Variants in GLRA3 observed in about 807,000 individuals in gnomAD.
GLRA3 encodes the protein glycine receptor subunit alpha-3.
GLRA3 carries 44 observed loss-of-function variants against 60.4 expected under a neutral mutation model. The ratio of observed to expected loss-of-function variants is 0.73; its 90% CI spans 0.57 to 0.94. The LOEUF is 0.94. Among genes scored for constraint, GLRA3 ranks in the 40% least tolerant of loss-of-function variants. GLRA3 has a pLI of 0.00. For synonymous variants in GLRA3, 223 were observed against 192.9 expected, an observed-to-expected ratio of 1.16 and a Z score of -1.29; for missense variants, 508 against 564.6, an observed-to-expected ratio of 0.90 and a Z score of 1.02.
chr4:174,657,451 T>C (rs1733254660), intron 8 of GLRA3, among the ~76,000 whole-genome samples: 1 of 152,078 alleles, frequency 6.6e-6, no homozygotes, highest in South Asian at 2.1e-4. Flanking sequence ...AAAACCAAAA[T>C]GACAAAAAGC....
chr4:174,820,394 C>G (rs1483325711), intron 1 of GLRA3, among the ~76,000 whole-genome samples: 1 of 152,088 alleles, frequency 6.6e-6, no homozygotes, highest in Non-Finnish European at 1.5e-5. Context: ...TGCTTCATGA[C>G]AGAAATTAGT....
chr4:174,677,108 C>T lies in GLRA3; in HGVS notation c.897G>A (p.Gln299=), dbSNP rs1217984158. 1 of 1,612,890 alleles carries T rather than the reference C, an allele frequency of 6.2e-7. No individual in the cohort carries two copies. The highest frequency in any genetic ancestry group is 8.5e-7 in the Non-Finnish European group (1 of 1,178,940). The change falls in exon 7 of 10, where the codon CAG becomes CAA. Residue 299 remains glutamine (Q), a synonymous_variant. Coordinates refer to ENST00000274093, the MANE Select transcript of GLRA3 (RefSeq NM_006529.4). ...GCAAGGAAGCTCGTGATCCTGAACT[C>T]TGTGTAGTCATCGTTAGCACAGTGG... is the stretch of plus-strand genomic sequence containing the variant. The part of the protein sequence containing the change: ...GITTVLTMTT[Q]SSGSRASLPK...
At chr4:174,770,728 C>T (rs1025678580) in intron 2 of GLRA3, among the ~76,000 whole-genome samples, 5 of 152,006 alleles carry the variant, frequency 3.3e-5, no homozygotes, top group African/African-American at 1.2e-4. Context: ...TATTTAGTTA[C>T]TAATGAACAT....
At chr4:174,701,224 G>A (rs756520464) in intron 5 of GLRA3, among the ~76,000 whole-genome samples, 3 of 152,086 alleles carry the variant, frequency 2.0e-5, no homozygotes, top group East Asian at 3.9e-4. Flanking sequence ...CTCATTCACC[G>A]CTCAAAGATC....
chr4:174,720,155 G>C (rs750662258), intron 4 of GLRA3, among the ~76,000 whole-genome samples: 6 of 152,074 alleles, frequency 3.9e-5, no homozygotes, highest in Admixed American at 6.6e-5. Flanking sequence ...GGGTTTCTTA[G>C]TAATATTAGT....
chr4:174,644,010 A>G lies in GLRA3; in HGVS notation c.1171T>C (p.Cys391Arg). 1 of 1,613,842 alleles carries G rather than the reference A, an allele frequency of 6.2e-7. No homozygotes were observed. Among genetic ancestry groups the G allele is most frequent in the Middle Eastern group, 1.7e-4 (1 of 6,060 alleles). The change falls in exon 10 of 10, where the codon TGT becomes CGT. Residue 391 changes from cysteine (C) to arginine (R), a missense_variant. By Grantham distance (180) the Cys-to-Arg change is radical (BLOSUM62 -3). This residue lies in a region of GLRA3 where 176 missense variants were observed against 197.9 expected (regional missense o/e 0.89). Transcript: ENST00000274093. ...GTCATGCCATCCTTTGCTTGTAGACATGGTCCCATTCCATAGGCTGTGAAG... is the reference window on the plus strand; with the variant it reads ...GTCATGCCATCCTTTGCTTGTAGACGTGGTCCCATTCCATAGGCTGTGAAG... ...FSFTAYGMGP[C>R]LQAKDGMTPK...
intron 1 of GLRA3, among the ~76,000 whole-genome samples, chr4:174,813,521 C>G (rs1323693045): frequency 1.3e-5 from 2 of 152,140 alleles, no homozygotes; most frequent in Non-Finnish European, 2.9e-5. Flanking sequence ...TCTGTGTTGC[C>G]TCGTAACCAG....
intron 1 of GLRA3, among the ~76,000 whole-genome samples, chr4:174,794,046 T>C (rs894648320): frequency 1.3e-5 from 2 of 152,192 alleles, no homozygotes; most frequent in African/African-American, 4.8e-5. Context: ...ATGCAAATCA[T>C]ATCTTGCAAA....
intron 7 of GLRA3, among the ~76,000 whole-genome samples, chr4:174,668,737 C>T (rs1002950111): frequency 2.6e-5 from 4 of 152,244 alleles, no homozygotes; most frequent in Middle Eastern, 3.4e-3. Flanking sequence ...TCTACACCTA[C>T]GTGTAGGAAC....
chr4:174,670,918 T>C (rs1733879529), intron 7 of GLRA3, among the ~76,000 whole-genome samples: 1 of 152,114 alleles, frequency 6.6e-6, no homozygotes, highest in Admixed American at 6.6e-5. Flanking sequence ...TTTTTATCAG[T>C]AATAAAATTG....
At chr4:174,821,497 G>A (rs958125965) in intron 1 of GLRA3, among the ~76,000 whole-genome samples, 8 of 152,054 alleles carry the variant, frequency 5.3e-5, no homozygotes, top group Admixed American at 3.9e-4. Flanking sequence ...CAAGGTGGGT[G>A]GGCAGAAGTT....
At chr4:174,645,711 C>A (rs1360066593) in intron 9 of GLRA3, among the ~76,000 whole-genome samples, 1 of 152,082 alleles carries the variant, frequency 6.6e-6, no homozygotes, top group Non-Finnish European at 1.5e-5. Context: ...AACTGACAGT[C>A]CAAACTACCT....
chr4:174,643,866 C>T lies in GLRA3; in HGVS notation c.1315G>A (p.Ala439Thr), dbSNP rs749515822. 2.5e-6 allele frequency: 4 copies of T among 1,614,020 alleles called. No individual in the cohort carries two copies. Among genetic ancestry groups the T allele is most frequent in the Non-Finnish European group, 3.4e-6 (4 of 1,179,958 alleles). The stretch of plus-strand genomic sequence containing the variant: ...TAGAAAATATTAAAAATCAAAAAAG[C>T]TAATGGGAAGCAGGCTCGGGAGATG... ...DTISRACFPL[A>T]FLIFNIFYWV... is the part of the protein sequence containing the mutation. The change falls in exon 10 of 10, where the codon GCT (alanine) becomes ACT (threonine). Residue 439 changes from alanine (A) to threonine (T), a missense_variant. Ala to Thr is a moderately conservative substitution (Grantham distance 58). Coordinates refer to ENST00000274093, the MANE Select transcript of GLRA3 (RefSeq NM_006529.4).
intron 1 of GLRA3, among the ~76,000 whole-genome samples, chr4:174,823,582 A>G (rs1740836304): frequency 6.6e-6 from 1 of 152,216 alleles, no homozygotes; most frequent in Non-Finnish European, 1.5e-5. Flanking sequence ...AAGTATATAA[A>G]TAATCCTGTG....
At chr4:174,718,040 T>TA (rs934477570) in intron 4 of GLRA3, among the ~76,000 whole-genome samples, 1 of 152,102 alleles carries the variant, frequency 6.6e-6, no homozygotes, top group Non-Finnish European at 1.5e-5. Context: ...TACATAATTC[T>TA]AAAAAAATAG....
chr4:174,746,821 A>G (rs1737270263), intron 3 of GLRA3, among the ~76,000 whole-genome samples: 1 of 152,198 alleles, frequency 6.6e-6, no homozygotes. Flanking sequence ...AAATACTCAC[A>G]TGTACCCAAT....
At chr4:174,692,356 G>C (rs1323290629) in intron 5 of GLRA3, among the ~76,000 whole-genome samples, 1 of 149,708 alleles carries the variant, frequency 6.7e-6, no homozygotes, top group African/African-American at 2.5e-5. Context: ...CCACGTCCGG[G>C]AGATGAGGGG....
Position 174,656,804 on chromosome 4 carries a change from TG to T in GLRA3, c.1072-18del. On this transcript the variant is annotated intron_variant, in intron 8 of 9. Coordinates refer to ENST00000274093, the MANE Select transcript of GLRA3 (RefSeq NM_006529.4). Reference sequence around the variant, plus strand: ...AGCTTCTGTCTGTGGGAAGGTAAAGTGGACCAAGAGGAATTGAGAAACCAGA... The same window carrying T: ...AGCTTCTGTCTGTGGGAAGGTAAAGTGACCAAGAGGAATTGAGAAACCAGA... 6.6e-7 allele frequency: 1 copy of T among 1,516,042 alleles called. No homozygotes were observed. The highest frequency in any genetic ancestry group is 9.2e-7 in the Non-Finnish European group (1 of 1,091,068). The allele number at this position is 1,516,042 out of a possible 1,614,324, so 93.9% of individuals were successfully genotyped here.
intron 3 of GLRA3, among the ~76,000 whole-genome samples, chr4:174,746,306 T>G (rs926400797): frequency 2.6e-5 from 4 of 152,124 alleles, no homozygotes; most frequent in African/African-American, 9.7e-5. Flanking sequence ...GGGATACTGT[T>G]CAGCCTAAAA....
Sources: allele counts gnomAD v4.1 joint callset (sites outside exome capture counted in the v4.1 genomes callset), GRCh38; gene constraint gnomAD v4.1.1; regional missense constraint gnomAD v4.1.1; transcripts MANE v1.5; gene names NCBI Gene and HGNC (gene_info 2026-07-23, HGNC 2026-07-21).